Variants in SLU7 observed in about 807,000 individuals in gnomAD.
SLU7 encodes the protein pre-mRNA-splicing factor SLU7.
Under a neutral mutation model 87.0 loss-of-function variants are expected in SLU7, and 60 were observed. That is an observed-to-expected ratio of 0.69 (90% confidence interval 0.56 to 0.86). SLU7 has a LOEUF of 0.86. Among genes scored for constraint, SLU7 ranks in the 40% least tolerant of loss-of-function variants. The pLI, the probability that SLU7 is intolerant of heterozygous loss-of-function variation, is 0.00. For synonymous variants in SLU7, 197 were observed against 222.0 expected (o/e 0.89, Z 1.00); for missense variants, 507 against 686.6 (o/e 0.74, Z 2.92).
Position 160,404,681 on chromosome 5 carries a change from G to A in SLU7, c.1465-125C>T, listed in dbSNP as rs150375256. ...GCGGAAGTTGCAGTGGGCCCAGACC[G>A]TGCACTGCGCTCGAGCCTGGGCGAC... On this transcript the variant is annotated intron_variant, in intron 14 of 15. Coordinates refer to ENST00000297151, the MANE Select transcript of SLU7 (RefSeq NM_006425.5). 55 of 866,414 alleles carry A rather than the reference G, an allele frequency of 6.3e-5. No homozygotes were observed. In the African/African-American group the frequency reaches 6.5e-4, roughly 10 times the overall value. 53.7% of individuals were successfully genotyped at this position (866,414 alleles called of 1,614,324 possible). A position where few individuals can be genotyped will look rare whatever the true frequency, so the allele number is the denominator to read the frequency against.
rs1581063073 is a variant in SLU7 at position 160,406,731 on chromosome 5, TTACTGGGTTTTG to T, written c.1126-114_1126-103del. The T allele has an allele frequency of 9.9e-6, 10 of 1,007,406 alleles. No individual in the cohort carries two copies. In the East Asian group the frequency reaches 2.7e-4, roughly 27 times the overall value. The allele number at this position is 1,007,406 out of a possible 1,614,324, so 62.4% of individuals were successfully genotyped here. ...TAATCAGAAAGAAAGGGAACATTCT[TTACTGGGTTTTG>T]TTATAGAAAGCACAGTAGGAAAAAA... is the stretch of plus-strand genomic sequence containing the variant. On this transcript the variant is annotated intron_variant, in intron 11 of 15. Transcript: ENST00000297151.
chr5:160,414,696 T>C (rs942247630), intron 2 of SLU7, among the ~76,000 whole-genome samples: 1 of 151,998 alleles, frequency 6.6e-6, no homozygotes, highest in African/African-American at 2.4e-5. Context: ...CTAAGAATAG[T>C]GATATAACTG....
chr5:160,407,015 T>C lies in SLU7; in HGVS notation c.1126-386A>G, dbSNP rs1222357500. 6.6e-6 allele frequency among the ~76,000 whole-genome samples: 1 copy of C among 152,258 alleles called. No individual in the cohort carries two copies. Among genetic ancestry groups the C allele is most frequent in the Non-Finnish European group, 1.5e-5 (1 of 68,044 alleles). ...AATGTGATGCAAGCAAAGGCACTTA[T>C]GTACCACAGCACACTTTTTGCTGCC... On this transcript the variant is annotated intron_variant, in intron 11 of 15. Coordinates refer to ENST00000297151, the MANE Select transcript of SLU7 (RefSeq NM_006425.5). This position sits in a 1 kb window ranked among gnomAD's most constrained non-coding sequence, Gnocchi z 4.2.
rs1390983895 is a variant in SLU7, at chr5:160,402,377, A to C, written c.*908T>G. On this transcript the variant is annotated 3_prime_UTR_variant, in exon 16 of 16. Coordinates refer to ENST00000297151, the MANE Select transcript of SLU7 (RefSeq NM_006425.5). ...AATGATGAGAAAATAGTTGTTTTCC[A>C]TTCAAAGACTAACACATTTAGTCTA... The C allele has an allele frequency of 6.6e-6, 1 of 152,180 alleles. No individual in the cohort carries two copies. The highest frequency in any genetic ancestry group is 1.5e-5 in the Non-Finnish European group (1 of 68,012). 9.4% of individuals were successfully genotyped at this position (152,180 alleles called of 1,614,324 possible). A position where few individuals can be genotyped will look rare whatever the true frequency, so the allele number is the denominator to read the frequency against.
chr5:160,412,396 C>G (rs1765272367), intron 6 of SLU7, 55 bp downstream of exon 6: 1 of 1,065,866 alleles, frequency 9.4e-7, no homozygotes, highest in Admixed American at 2.0e-5. Context: ...TTTCAATTTT[C>G]ATTTCTTTGT....
In SLU7 at chr5:160,414,306, G is replaced by T. The variant is rs757874222; in HGVS notation, c.324+13C>A. 11 of 1,581,992 alleles carry T rather than the reference G, an allele frequency of 7.0e-6. No homozygotes were observed. Among genetic ancestry groups the T allele is most frequent in the Non-Finnish European group, 9.4e-6 (11 of 1,166,642 alleles). ...TCCATATCCATGAAGATGTATACAG[G>T]TTGCCTACATACCTCTTTTACACCC... On this transcript the variant is annotated intron_variant, in intron 3 of 15. Coordinates refer to ENST00000297151, the MANE Select transcript of SLU7 (RefSeq NM_006425.5).
Position 160,405,151 on chromosome 5 carries a change from TTAA to T in SLU7, c.1288-19_1288-17del, listed in dbSNP as rs368183619. 771 of 1,536,472 alleles carry T rather than the reference TTAA, an allele frequency of 5.0e-4. 2 individuals carry two copies. In the African/African-American group the frequency reaches 9.4e-3, roughly 19 times the overall value. ...CCCAGATATGCTGCAGAGAGAGAAATTAAAAAGCTTAAAAAGGAAGCTGAAATT... is the reference window on the plus strand; with the variant it reads ...CCCAGATATGCTGCAGAGAGAGAAATAAAGCTTAAAAAGGAAGCTGAAATT... On this transcript the variant is annotated splice_polypyrimidine_tract_variant and intron_variant, in intron 12 of 15. Transcript: ENST00000297151.
At chr5:160,405,411 G>A (rs1439841174) in intron 12 of SLU7, among the ~76,000 whole-genome samples, 1 of 152,168 alleles carries the variant, frequency 6.6e-6, no homozygotes, top group African/African-American at 2.4e-5. Context: ...GGGAAATTCT[G>A]GGCCTATATA....
chr5:160,418,515 A>G (rs575700361), intron 1 of SLU7: 9 of 152,180 alleles, frequency 5.9e-5, no homozygotes, highest in Non-Finnish European at 1.3e-4. Context: ...CTGTGGAGGG[A>G]CCTATTTTCT....
rs189496969 is a variant in SLU7, at chr5:160,408,545, C to G, written c.688-85G>C. ...TTTCCCCTTTCCCTTTAACCAAACC[C>G]TTATTTACTTGTGTTCTTTAAAAGC... On this transcript the variant is annotated intron_variant, in intron 7 of 15. Transcript: ENST00000297151. 50 of 1,461,712 alleles carry G rather than the reference C, an allele frequency of 3.4e-5. No individual in the cohort carries two copies. In the Admixed American group the frequency reaches 8.2e-4, roughly 24 times the overall value. The allele number at this position is 1,461,712 out of a possible 1,614,324, so 90.5% of individuals were successfully genotyped here.
At chr5:160,408,274 T>C in intron 8 of SLU7, 55 bp downstream of exon 8, 13 of 1,557,212 alleles carry the variant, frequency 8.3e-6, no homozygotes, top group Non-Finnish European at 1.0e-5. Context: ...CGATAAAATT[T>C]ATGCTGGGAA....
At position 160,406,294 on chromosome 5, in the gene SLU7, T is replaced by C. The variant is rs1305848990; in HGVS notation, c.1287+174A>G. 8 of 510,796 alleles carry C rather than the reference T, an allele frequency of 1.6e-5. No homozygotes were observed. The South Asian group carries it at 2.2e-4, about 14-fold the overall frequency. The allele number at this position is 510,796 out of a possible 1,614,324, so 31.6% of individuals were successfully genotyped here. On this transcript the variant is annotated intron_variant, in intron 12 of 15. Coordinates refer to ENST00000297151, the MANE Select transcript of SLU7 (RefSeq NM_006425.5). ...TAGATGATGGGTATATAGATGAACA[T>C]AGTATTCCTTCAAAATTTTTCTATT... is the stretch of plus-strand genomic sequence containing the variant.
chr5:160,404,711 T>G lies in SLU7; in HGVS notation c.1464+98A>C, dbSNP rs1764932005. 3.2e-6 allele frequency: 3 copies of G among 952,250 alleles called. No homozygotes were observed. The Admixed American group carries it at 6.9e-5, about 22-fold the overall frequency. The allele number at this position is 952,250 out of a possible 1,614,324, so 59.0% of individuals were successfully genotyped here. A position where few individuals can be genotyped will look rare whatever the true frequency, so the allele number is the denominator to read the frequency against. On this transcript the variant is annotated intron_variant, in intron 14 of 15. Transcript: ENST00000297151. ...CTGCGCTCGAGCCTGGGCGACAGAATGAGATTCTGTTTCAAAAGAAAAAAA... is the reference window on the plus strand; with the variant it reads ...CTGCGCTCGAGCCTGGGCGACAGAAGGAGATTCTGTTTCAAAAGAAAAAAA...
intron 6 of SLU7, among the ~76,000 whole-genome samples, chr5:160,409,200 A>G (rs1419349705): frequency 6.6e-6 from 1 of 152,172 alleles, no homozygotes; most frequent in Non-Finnish European, 1.5e-5. Flanking sequence ...TACTGGGTTC[A>G]TGTCTTCACA....
Position 160,414,316 on chromosome 5 carries a change from T to A in SLU7, c.324+3A>T, listed in dbSNP as rs754519978. 8.2e-6 allele frequency: 13 copies of A among 1,593,222 alleles called. No individual in the cohort carries two copies. The South Asian group carries it at 1.5e-4, about 18-fold the overall frequency. On this transcript the variant is annotated splice_donor_region_variant and intron_variant, in intron 3 of 15. Coordinates refer to ENST00000297151, the MANE Select transcript of SLU7 (RefSeq NM_006425.5). ...TGAAGATGTATACAGGTTGCCTACATACCTCTTTTACACCCCTCTTGTACC... is the reference window on the plus strand; with the variant it reads ...TGAAGATGTATACAGGTTGCCTACAAACCTCTTTTACACCCCTCTTGTACC...
In SLU7 at chr5:160,408,385, C is replaced by A; in HGVS notation, c.763G>T (p.Asp255Tyr). ...CGGACAGTAATTCGTCTCTTGGAGT[C>A]AAAATTCTGTCCAGGCATGTCAATA... ...DDIDMPGQNF[D>Y]SKRRITVRNL... Residue 255 changes from aspartate (D) to tyrosine (Y), a missense_variant, in exon 8 of 16, where the codon GAC (aspartate) becomes TAC (tyrosine). Around this residue, in one of 6 missense-constraint regions of SLU7, gnomAD observed 49 missense variants for 144.1 expected, o/e 0.34. Coordinates refer to ENST00000297151, the MANE Select transcript of SLU7 (RefSeq NM_006425.5). 1 of 1,611,946 alleles carries A rather than the reference C, an allele frequency of 6.2e-7. No homozygotes were observed. Among genetic ancestry groups the A allele is most frequent in the Non-Finnish European group, 8.5e-7 (1 of 1,179,000 alleles).
intron 5 of SLU7, among the ~76,000 whole-genome samples, 164 bp downstream of exon 5, chr5:160,413,292 T>G (rs1220340278): frequency 6.6e-6 from 1 of 151,724 alleles, no homozygotes; most frequent in African/African-American, 2.4e-5. Context: ...CACTATTTCC[T>G]TTACTCAATA....
At chr5:160,411,085 C>G (rs968154073) in intron 6 of SLU7, among the ~76,000 whole-genome samples, 1 of 152,092 alleles carries the variant, frequency 6.6e-6, no homozygotes, top group Non-Finnish European at 1.5e-5. Context: ...CCAGGATGGT[C>G]TCGATCTCCT....
At chr5:160,404,963 G>A in intron 13 of SLU7, 68 bp downstream of exon 13, 1 of 1,487,866 alleles carries the variant, frequency 6.7e-7, no homozygotes, top group Admixed American at 1.7e-5. Flanking sequence ...ACATGAGACA[G>A]CATGTTTTAG....
Sources: allele counts gnomAD v4.1 joint callset (sites outside exome capture counted in the v4.1 genomes callset), GRCh38; gene constraint gnomAD v4.1.1; regional missense constraint gnomAD v4.1.1; non-coding constraint Gnocchi (gnomAD v3.1); transcripts MANE v1.5; gene names NCBI Gene and HGNC (gene_info 2026-07-23, HGNC 2026-07-21).